The following PDCD11 variants were observed in gnomAD, a reference collection of about 807,000 sequenced individuals.
PDCD11 encodes protein RRP5 homolog.
Under a neutral mutation model 198.9 loss-of-function variants are expected in PDCD11, and 97 were observed. The observed-to-expected ratio is 0.49, with a 90% CI of 0.41 to 0.58. The LOEUF is 0.58. PDCD11 is among the 20% of genes least tolerant of loss of function. PDCD11 has a pLI of 0.00. For synonymous variants in PDCD11, 893 were observed against 918.0 expected, an observed-to-expected ratio of 0.97 and a Z score of 0.49; for missense variants, 2,102 against 2,312.7, an observed-to-expected ratio of 0.91 and a Z score of 1.87.
chr10:103,440,934 C>G (rs951201120), intron 30 of PDCD11, 84 bp downstream of exon 30: 5 of 952,432 alleles, frequency 5.2e-6, no homozygotes, highest in African/African-American at 1.6e-5. Context: ...TCTTTTACTT[C>G]ATTTCCTATA....
rs2030426193 is a variant in PDCD11, at chr10:103,406,042, G to A, written c.622G>A (p.Val208Ile). The change falls in exon 6 of 36, where the codon GTT becomes ATT. Residue 208 changes from valine to isoleucine, a missense_variant. By Grantham distance (29) the Val-to-Ile change is conservative. Coordinates refer to ENST00000369797, the MANE Select transcript of PDCD11 (RefSeq NM_014976.2). ...EDHGYLVDIGVDGTRAFLPLL... is the reference protein window; with the variant it reads ...EDHGYLVDIGIDGTRAFLPLL... The stretch of plus-strand genomic sequence containing the variant: ...CCATGGCTACCTAGTGGACATTGGT[G>A]TTGATGGGACCAGAGCTTTTCTGCC... The A allele has an allele frequency of 8.7e-6, 14 of 1,614,206 alleles. No individual in the cohort carries two copies. The highest frequency in any genetic ancestry group is 1.2e-5 in the Non-Finnish European group (14 of 1,180,012).
chr10:103,419,757 C>T, intron 16 of PDCD11, 49 bp downstream of exon 16: 1 of 1,559,224 alleles, frequency 6.4e-7, no homozygotes. Context: ...TACAAGGTCA[C>T]AGAACCTGAG....
intron 16 of PDCD11, among the ~76,000 whole-genome samples, chr10:103,420,050 G>A (rs1592126828): frequency 6.9e-6 from 1 of 145,810 alleles, no homozygotes; most frequent in Non-Finnish European, 1.5e-5. Context: ...CACCTGCCTC[G>A]GCCTCCCAAA....
chr10:103,404,062 CACT>C (rs2030286511), intron 4 of PDCD11, among the ~76,000 whole-genome samples: 1 of 152,026 alleles, frequency 6.6e-6, no homozygotes, highest in Non-Finnish European at 1.5e-5. Flanking sequence ...GATCTCAGCT[CACT>C]GAAACCTCCA....
At chr10:103,400,552 T>A in intron 3 of PDCD11, 24 bp downstream of exon 3, 1 of 1,603,702 alleles carries the variant, frequency 6.2e-7, no homozygotes, top group Non-Finnish European at 8.5e-7. Context: ...GGTTTTCATT[T>A]AAACAATCGA....
rs1168608872 is a variant in PDCD11 at position 103,425,049 on chromosome 10, C to T, written c.2829C>T (p.Ser943=). Residue 943 remains serine (S), a synonymous_variant, in exon 20 of 36, where the codon TCC becomes TCT. Coordinates refer to ENST00000369797, the MANE Select transcript of PDCD11 (RefSeq NM_014976.2). ...TGGAGAAGTCCTTTGCCATTGCCTC[C>T]TTGGTAGAGACGGGCCACCTGGCAG... ...QHLEKSFAIA[S]LVETGHLAAF... is the part of the protein sequence containing the mutation. 6.2e-7 allele frequency: 1 copy of T among 1,614,220 alleles called. No individual in the cohort carries two copies. Among genetic ancestry groups the T allele is most frequent in the South Asian group, 1.1e-5 (1 of 91,086 alleles).
intron 8 of PDCD11, among the ~76,000 whole-genome samples, chr10:103,412,007 T>A (rs1420529835): frequency 6.6e-6 from 1 of 152,112 alleles, no homozygotes; most frequent in Non-Finnish European, 1.5e-5. Flanking sequence ...TTATTTATTT[T>A]ATTATTATTT....
intron 20 of PDCD11, among the ~76,000 whole-genome samples, chr10:103,426,219 C>G (rs992746977): frequency 3.9e-5 from 6 of 152,152 alleles, no homozygotes; most frequent in African/African-American, 1.2e-4. Context: ...CTGTATACAT[C>G]TGCAGTTGTC....
intron 4 of PDCD11, among the ~76,000 whole-genome samples, chr10:103,404,129 C>T (rs967111606): frequency 6.6e-6 from 1 of 151,794 alleles, no homozygotes; most frequent in African/African-American, 2.4e-5. Flanking sequence ...GCTGGGATTA[C>T]AGGTGCCAGC....
intron 27 of PDCD11, among the ~76,000 whole-genome samples, chr10:103,439,403 A>G (rs559378088): frequency 9.8e-5 from 15 of 152,326 alleles, no homozygotes; most frequent in Admixed American, 8.5e-4. Context: ...GTGTTTGATC[A>G]TGATTTGTAA....
intron 7 of PDCD11, among the ~76,000 whole-genome samples, chr10:103,408,546 T>C (rs1189030376): frequency 6.6e-6 from 1 of 152,016 alleles, no homozygotes; most frequent in Non-Finnish European, 1.5e-5. Context: ...TAATTATTTA[T>C]TTATTTATTT....
At chr10:103,438,120 A>G (rs1027158865) in intron 26 of PDCD11, 49 bp downstream of exon 26, 2 of 1,489,282 alleles carry the variant, frequency 1.3e-6, no homozygotes, top group African/African-American at 2.8e-5. Flanking sequence ...CCCACTCAGG[A>G]TCAAGGGGAG....
intron 24 of PDCD11, 79 bp downstream of exon 24, chr10:103,434,429 G>A (rs1303242868): frequency 3.3e-6 from 3 of 897,590 alleles, no homozygotes; most frequent in Non-Finnish European, 3.7e-6. Flanking sequence ...TATTGCTTGA[G>A]TTGGAGGACC....
Position 103,443,146 on chromosome 10 carries a change from C to T in PDCD11, c.4956-19C>T, listed in dbSNP as rs780244067. ...ACTGGTTTCATGTGGCGCTCATGTGCTGACTGCTCTCCCTCCAGAGAGGAG... is the reference window on the plus strand; with the variant it reads ...ACTGGTTTCATGTGGCGCTCATGTGTTGACTGCTCTCCCTCCAGAGAGGAG... On this transcript the variant is annotated intron_variant, in intron 32 of 35. Coordinates refer to ENST00000369797, the MANE Select transcript of PDCD11 (RefSeq NM_014976.2). 8 of 1,557,136 alleles carry T rather than the reference C, an allele frequency of 5.1e-6. No individual in the cohort carries two copies. In the South Asian group the frequency reaches 9.6e-5, roughly 19 times the overall value.
intron 12 of PDCD11, among the ~76,000 whole-genome samples, chr10:103,415,691 A>C (rs776720508): frequency 1.4e-4 from 21 of 152,238 alleles, no homozygotes; most frequent in Admixed American, 3.9e-4. Context: ...GCTCTGTATG[A>C]CAATAATGTT....
Position 103,434,284 on chromosome 10 carries a change from C to G in PDCD11, c.3601C>G (p.Gln1201Glu). The G allele has an allele frequency of 6.2e-7, 1 of 1,613,846 alleles. No homozygotes were observed. Among genetic ancestry groups the G allele is most frequent in the Non-Finnish European group, 8.5e-7 (1 of 1,179,708 alleles). ...KHPDKKFRVG[Q>E]ALRATVVGPD... is the part of the protein sequence containing the mutation. ...TCCAGATAAGAAGTTCCGGGTTGGC[C>G]AGGCCCTGAGGGCCACCGTTGTTGG... is the stretch of plus-strand genomic sequence containing the variant. Residue 1201 changes from glutamine to glutamate, a missense_variant, in exon 24 of 36, where the codon CAG becomes GAG. Coordinates refer to ENST00000369797, the MANE Select transcript of PDCD11 (RefSeq NM_014976.2).
At chr10:103,426,515 C>A (rs556098215) in intron 20 of PDCD11, among the ~76,000 whole-genome samples, 3 of 152,178 alleles carry the variant, frequency 2.0e-5, no homozygotes, top group African/African-American at 7.2e-5. Context: ...AAGATCAGGC[C>A]AGGCACGGTG....
At chr10:103,408,684 G>A (rs1295235127) in intron 7 of PDCD11, among the ~76,000 whole-genome samples, 1 of 152,028 alleles carries the variant, frequency 6.6e-6, no homozygotes, top group African/African-American at 2.4e-5. Context: ...GGGACTACAG[G>A]CACCCACCAC....
At position 103,443,277 on chromosome 10, in the gene PDCD11, C is replaced by T; in HGVS notation, c.5068C>T (p.Pro1690Ser). ...TGAGCGAGCCGTGCAGTACAACGAG[C>T]CTCTCAAAGTCTTTCTCCACCTGGC... is the stretch of plus-strand genomic sequence containing the variant. Reference protein sequence around the residue: ...VFERAVQYNEPLKVFLHLADI... With the variant: ...VFERAVQYNESLKVFLHLADI... The change falls in exon 33 of 36, where the codon CCT becomes TCT. Residue 1690 changes from proline (P) to serine (S), a missense_variant. Coordinates refer to ENST00000369797, the MANE Select transcript of PDCD11 (RefSeq NM_014976.2). 6.2e-7 allele frequency: 1 copy of T among 1,612,804 alleles called. No homozygotes were observed. Among genetic ancestry groups the T allele is most frequent in the Non-Finnish European group, 8.5e-7 (1 of 1,178,956 alleles).
Sources: gnomAD v4.1 joint callset for allele counts (sites outside exome capture counted in the v4.1 genomes callset) on GRCh38, gnomAD v4.1.1 for gene constraint, MANE v1.5 for transcripts, NCBI Gene and HGNC (gene_info 2026-07-23, HGNC 2026-07-21) for gene names.